HMGCL: variants seen among roughly 807,000 people sequenced by gnomAD.
HMGCL encodes 3-hydroxy-3-methylglutaryl-CoA lyase.
Under a neutral mutation model 37.3 loss-of-function variants are expected in HMGCL, and 26 were observed. The ratio of observed to expected loss-of-function variants is 0.70; its 90% CI spans 0.51 to 0.97. The LOEUF (loss-of-function observed/expected upper bound fraction) is 0.97. HMGCL is among the 50% of genes least tolerant of loss of function. The pLI is 0.00. For missense variants in HMGCL, 379 were observed against 398.1 expected (o/e 0.95, Z 0.41); for synonymous variants, 151 against 148.0 (o/e 1.02, Z -0.15).
chr1:23,824,038 G>T (rs1207492532), intron 1 of HMGCL, among the ~76,000 whole-genome samples: 1 of 152,092 alleles, frequency 6.6e-6, no homozygotes, highest in Non-Finnish European at 1.5e-5. Context: ...ACCACCGTTC[G>T]TTCGGTCCAC....
intron 2 of HMGCL, 152 bp downstream of exon 2, chr1:23,820,358 T>A (rs952124063): frequency 4.3e-6 from 3 of 699,074 alleles, no homozygotes; most frequent in Non-Finnish European, 7.9e-6. Flanking sequence ...GTCACAGGTG[T>A]CTGTCCCTGT....
chr1:23,814,108 T>C, intron 5 of HMGCL, 82 bp downstream of exon 5: 1 of 1,491,500 alleles, frequency 6.7e-7, no homozygotes, highest in Non-Finnish European at 9.3e-7. Flanking sequence ...AAGAAGTTTG[T>C]GGCAGGAGGA....
chr1:23,818,860 T>C (rs1481296736), intron 2 of HMGCL, among the ~76,000 whole-genome samples: 1 of 151,912 alleles, frequency 6.6e-6, no homozygotes, highest in Non-Finnish European at 1.5e-5. Context: ...AAATAATTTT[T>C]GAAAGCCCTC....
intron 7 of HMGCL, among the ~76,000 whole-genome samples, chr1:23,805,215 C>T (rs779518505): frequency 1.6e-4 from 24 of 152,088 alleles, no homozygotes; most frequent in African/African-American, 5.3e-4. Context: ...TCCACCTTGG[C>T]GTGAGGCCCA....
Position 23,804,389 on chromosome 1 carries a change from G to C in HMGCL, c.876+11C>G, listed in dbSNP as rs1638361962. ...TCGGGGCTGTCGCCACCAGGGGGTG[G>C]GTGGGCTTACCGTGTGAATGCCCAA... On this transcript the variant is annotated intron_variant, in intron 8 of 8. Coordinates refer to ENST00000374490, the MANE Select transcript of HMGCL (RefSeq NM_000191.3). 3 of 1,614,104 alleles carry C rather than the reference G, an allele frequency of 1.9e-6. No homozygotes were observed. In the East Asian group the frequency reaches 6.7e-5, roughly 36 times the overall value.
chr1:23,815,487 C>CT lies in HMGCL; in HGVS notation c.349-1150dup, dbSNP rs972610168. Reference sequence around the variant, plus strand: ...TAAGCCACCCAATTTGTAGTGCTTTCTTTTTTTTTTTCTTTTTTCTTTTTT... The same window carrying CT: ...TAAGCCACCCAATTTGTAGTGCTTTCTTTTTTTTTTTTCTTTTTTCTTTTTT... On this transcript the variant is annotated intron_variant, in intron 4 of 8. Transcript: ENST00000374490. Among the ~76,000 whole-genome samples, 1,279 of 146,292 alleles carry CT rather than the reference C, an allele frequency of 8.7e-3. 21 individuals carry two copies. The highest frequency in any genetic ancestry group is 0.03 in the African/African-American group (1,183 of 40,064).
chr1:23,809,414 A>AT (rs1251165070), intron 6 of HMGCL: 3 of 149,808 alleles, frequency 2.0e-5, no homozygotes, highest in African/African-American at 7.4e-5. Flanking sequence ...AATTTTTTGT[A>AT]TTTTTAGTAG....
intron 8 of HMGCL, chr1:23,803,672 G>A (rs139711967): frequency 6.6e-6 from 1 of 152,424 alleles, no homozygotes; most frequent in Non-Finnish European, 1.5e-5. Flanking sequence ...GGCTCCATGA[G>A]ATGGATGGCA....
chr1:23,809,393 C>G (rs1240405498), intron 6 of HMGCL: 1 of 151,568 alleles, frequency 6.6e-6, no homozygotes, highest in Non-Finnish European at 1.5e-5. Context: ...CGCCCACCAC[C>G]ACCCCCGGCT....
chr1:23,803,057 C>CA (rs780403934), intron 8 of HMGCL, among the ~76,000 whole-genome samples: 62 of 151,934 alleles, frequency 4.1e-4, no homozygotes, highest in Non-Finnish European at 7.9e-4. Flanking sequence ...TTTTTGGAGA[C>CA]AGAGTTTGCT....
In HMGCL at chr1:23,801,915, T is replaced by C; in HGVS notation, c.*548A>G. 2.4e-6 allele frequency: 1 copy of C among 423,612 alleles called. No homozygotes were observed. Among genetic ancestry groups the C allele is most frequent in the East Asian group, 3.3e-5 (1 of 30,274 alleles). 26.2% of individuals were successfully genotyped at this position (423,612 alleles called of 1,614,324 possible). On this transcript the variant is annotated 3_prime_UTR_variant, in exon 9 of 9. Coordinates refer to ENST00000374490, the MANE Select transcript of HMGCL (RefSeq NM_000191.3). ...ATGTGCCATTCAACCTTTAATTACA[T>C]AAGCTGTTTTCAAAAATCACATTCA...
At chr1:23,803,025 A>G (rs909616912) in intron 8 of HMGCL, among the ~76,000 whole-genome samples, 27 of 151,992 alleles carry the variant, frequency 1.8e-4, no homozygotes, top group African/African-American at 6.5e-4. Context: ...TAAGCATTCT[A>G]CATAACTTTT....
chr1:23,812,085 T>A (rs1165411040), intron 5 of HMGCL, among the ~76,000 whole-genome samples: 1 of 152,206 alleles, frequency 6.6e-6, no homozygotes, highest in Non-Finnish European at 1.5e-5. Flanking sequence ...CCACTGTGGC[T>A]AGGCCCCAAG....
At chr1:23,808,392 G>A (rs1638452560) in intron 6 of HMGCL, 69 bp from the exon 7 acceptor site, 2 of 1,351,032 alleles carry the variant, frequency 1.5e-6, no homozygotes, top group Non-Finnish European at 2.1e-6. Context: ...ACTCAGAAGA[G>A]GGGGCCTTTG....
intron 6 of HMGCL, among the ~76,000 whole-genome samples, chr1:23,808,651 A>G (rs1638457112): frequency 6.6e-6 from 1 of 152,142 alleles, no homozygotes; most frequent in Admixed American, 6.5e-5. Context: ...CAGGTGCTGG[A>G]ATCAGTGAAG....
At position 23,808,285 on chromosome 1, in the gene HMGCL, G is replaced by C. The variant is rs1380095310; in HGVS notation, c.600C>G (p.Ile200Met). Reference sequence around the variant, plus strand: ...CCACACCAATGGTGTCCCCCAGGGAGATCTCGTAGCAGCCCATTGAGTAGA... The same window carrying C: ...CCACACCAATGGTGTCCCCCAGGGACATCTCGTAGCAGCCCATTGAGTAGA... ...KKFYSMGCYE[I>M]SLGDTIGVGT... Residue 200 changes from isoleucine to methionine, a missense_variant, in exon 7 of 9, where the codon ATC (isoleucine) becomes ATG (methionine). Physicochemically the swap from Ile to Met is conservative, Grantham distance 10. Transcript: ENST00000374490. The C allele has an allele frequency of 6.2e-7, 1 of 1,613,994 alleles. No homozygotes were observed. The highest frequency in any genetic ancestry group is 1.3e-5 in the African/African-American group (1 of 74,926).
At position 23,808,116 on chromosome 1, in the gene HMGCL, G is replaced by A. The variant is rs370304889; in HGVS notation, c.750+19C>T. 20 of 1,609,230 alleles carry A rather than the reference G, an allele frequency of 1.2e-5. No homozygotes were observed. The highest frequency in any genetic ancestry group is 5.3e-5 in the African/African-American group (4 of 74,832). On this transcript the variant is annotated intron_variant, in intron 7 of 8. Transcript: ENST00000374490. ...GCCCACCGTGACCTTTGGGAGAATG[G>A]GCATATGCTTTTGATTACCTGCAGG...
chr1:23,804,923 G>C (rs1557486244), intron 7 of HMGCL, among the ~76,000 whole-genome samples: 1 of 114,478 alleles, frequency 8.7e-6, no homozygotes, highest in Non-Finnish European at 1.7e-5. Context: ...CTCTCACTCA[G>C]TCAGGGCCTT....
chr1:23,819,315 C>T (rs953195525), intron 2 of HMGCL, among the ~76,000 whole-genome samples: 6 of 152,204 alleles, frequency 3.9e-5, no homozygotes, highest in African/African-American at 1.4e-4. Flanking sequence ...GTGGCCACCA[C>T]ATGGAAAAGC....
Sources: allele counts gnomAD v4.1 joint callset (sites outside exome capture counted in the v4.1 genomes callset), GRCh38; gene constraint gnomAD v4.1.1; transcripts MANE v1.5; gene names NCBI Gene and HGNC (gene_info 2026-07-23, HGNC 2026-07-21).